The following STK17A variants were observed in gnomAD, a reference collection of about 807,000 sequenced individuals.
The protein encoded by STK17A is serine/threonine-protein kinase 17A.
STK17A carries 26 observed loss-of-function variants against 43.7 expected under a neutral mutation model. The observed-to-expected ratio is 0.60, with a 90% CI of 0.44 to 0.83. The LOEUF (loss-of-function observed/expected upper bound fraction) is 0.83, where lower values mean the gene tolerates loss of function less well. Ranked by LOEUF, STK17A falls within the 40% of genes least tolerant of loss-of-function variation. The pLI is 0.00. For missense variants in STK17A, 476 were observed against 511.6 expected (o/e 0.93, Z 0.67); for synonymous variants, 191 against 182.5 (o/e 1.05, Z -0.38).
intron 3 of STK17A, among the ~76,000 whole-genome samples, chr7:43,611,447 T>C (rs1298509216): frequency 6.6e-6 from 1 of 152,200 alleles, no homozygotes; most frequent in African/African-American, 2.4e-5. Context: ...TGAAAGCAAG[T>C]ATGGACATGT....
chr7:43,596,140 TTTG>T (rs2082513912), intron 2 of STK17A, 27 bp downstream of exon 2: 5 of 1,587,784 alleles, frequency 3.1e-6, no homozygotes, highest in Non-Finnish European at 4.3e-6. Flanking sequence ...TTAGATTAAG[TTTG>T]TTTGGTAGTC....
intron 2 of STK17A, among the ~76,000 whole-genome samples, chr7:43,600,042 T>G (rs1227342240): frequency 6.6e-6 from 1 of 152,140 alleles, no homozygotes; most frequent in Non-Finnish European, 1.5e-5. Flanking sequence ...CCTAGTCCAC[T>G]CGGACTCCCA....
Position 43,626,554 on chromosome 7 carries a change from A to G in STK17A, c.*1712A>G, listed in dbSNP as rs1563176363. The G allele has an allele frequency of 1.3e-5, 2 of 152,222 alleles. No individual in the cohort carries two copies. The highest frequency in any genetic ancestry group is 2.9e-5 in the Non-Finnish European group (2 of 68,046). 9.4% of individuals were successfully genotyped at this position (152,222 alleles called of 1,614,324 possible). A position where few individuals can be genotyped will look rare whatever the true frequency, so the allele number is the denominator to read the frequency against. ...TTGTGCCACAGTGATAGAGTTTTTA[A>G]TGAATATCCATGGCCACAGTTTTGA... On this transcript the variant is annotated 3_prime_UTR_variant, in exon 7 of 7. Coordinates refer to ENST00000319357, the MANE Select transcript of STK17A (RefSeq NM_004760.3).
chr7:43,608,462 A>C, intron 3 of STK17A, 62 bp downstream of exon 3: 1 of 1,538,070 alleles, frequency 6.5e-7, no homozygotes, highest in Non-Finnish European at 8.8e-7. Context: ...TAAAATATTT[A>C]ACAGTGATTT....
chr7:43,612,828 C>G (rs1156781472), intron 3 of STK17A, among the ~76,000 whole-genome samples: 1 of 151,986 alleles, frequency 6.6e-6, no homozygotes, highest in East Asian at 1.9e-4. Flanking sequence ...GAGGGAGTAG[C>G]AGATGCAGAT....
rs1301665134 is a variant in STK17A, at chr7:43,627,310, T to C, written c.*2468T>C. Among the ~76,000 whole-genome samples the C allele has an allele frequency of 2.0e-5, 3 of 152,238 alleles. No homozygotes were observed. Among genetic ancestry groups the C allele is most frequent in the African/African-American group, 7.2e-5 (3 of 41,470 alleles). On this transcript the variant is annotated 3_prime_UTR_variant, in exon 7 of 7. Coordinates refer to ENST00000319357, the MANE Select transcript of STK17A (RefSeq NM_004760.3). ...ATAGAGGAAGGACAGATGCTCATTG[T>C]TGAATCTCTTAAATTTTTCCAGCTA... is the stretch of plus-strand genomic sequence containing the variant.
chr7:43,598,513 A>G (rs1224772899), intron 2 of STK17A, among the ~76,000 whole-genome samples: 2 of 151,764 alleles, frequency 1.3e-5, no homozygotes, highest in Admixed American at 6.6e-5. Flanking sequence ...AGTGAAATAT[A>G]TAAATGTATA....
chr7:43,608,146 A>G, intron 2 of STK17A, 110 bp from the exon 3 acceptor site: 2 of 1,080,600 alleles, frequency 1.9e-6, no homozygotes, highest in Non-Finnish European at 2.6e-6. Context: ...CATTTTTTAA[A>G]AAAGGTATAC....
At chr7:43,601,322 G>T (rs1260342293) in intron 2 of STK17A, among the ~76,000 whole-genome samples, 5 of 152,180 alleles carry the variant, frequency 3.3e-5, no homozygotes, top group Non-Finnish European at 5.9e-5. Flanking sequence ...AAGCACAAAA[G>T]TATTTGTCAC....
chr7:43,602,722 T>C (rs975303216), intron 2 of STK17A, among the ~76,000 whole-genome samples: 5 of 152,260 alleles, frequency 3.3e-5, no homozygotes, highest in African/African-American at 1.2e-4. Context: ...ATTTATGTTT[T>C]ATACATTTAC....
At chr7:43,584,875 C>T (rs889213281) in intron 1 of STK17A, among the ~76,000 whole-genome samples, 5 of 152,210 alleles carry the variant, frequency 3.3e-5, no homozygotes, top group African/African-American at 1.2e-4. Flanking sequence ...ACATTCCAAA[C>T]ATTCTGAAGT....
intron 2 of STK17A, among the ~76,000 whole-genome samples, chr7:43,605,429 T>C (rs2082582107): frequency 6.6e-6 from 1 of 152,250 alleles, no homozygotes; most frequent in Non-Finnish European, 1.5e-5. Flanking sequence ...GAGTGGCTTT[T>C]CTACTCTAGC....
At chr7:43,617,064 T>A (rs79750299) in intron 3 of STK17A, among the ~76,000 whole-genome samples, 2,704 of 152,304 alleles carry the variant, frequency 0.018, 47 homozygotes, top group Non-Finnish European at 0.027. Flanking sequence ...GAATACCATA[T>A]ACAAATTCAC....
intron 2 of STK17A, among the ~76,000 whole-genome samples, chr7:43,605,376 G>C (rs2082581479): frequency 6.6e-6 from 1 of 152,182 alleles, no homozygotes; most frequent in East Asian, 1.9e-4. Flanking sequence ...TTGATATAAA[G>C]GATGGCCCTC....
chr7:43,617,227 G>A (rs1440306094), intron 3 of STK17A, among the ~76,000 whole-genome samples: 2 of 152,172 alleles, frequency 1.3e-5, no homozygotes, highest in Non-Finnish European at 2.9e-5. Context: ...GAAGGAGTTT[G>A]GAGGTTACCT....
At chr7:43,603,494 C>G (rs2152971923) in intron 2 of STK17A, among the ~76,000 whole-genome samples, 1 of 152,244 alleles carries the variant, frequency 6.6e-6, no homozygotes, top group South Asian at 2.1e-4. Context: ...TGCTAAAAGT[C>G]TAGCAAAGGA....
intron 3 of STK17A, among the ~76,000 whole-genome samples, chr7:43,613,360 T>C (rs2083054449): frequency 6.6e-6 from 1 of 152,172 alleles, no homozygotes; most frequent in South Asian, 2.1e-4. Context: ...CTAGAGATGA[T>C]TTAAAGTTTA....
At chr7:43,620,642 C>G (rs1392426430) in intron 4 of STK17A, among the ~76,000 whole-genome samples, 2 of 151,132 alleles carry the variant, frequency 1.3e-5, no homozygotes, top group East Asian at 3.9e-4. Context: ...CCACTGCACT[C>G]CAGCCTGGGC....
chr7:43,603,294 G>C (rs748276273), intron 2 of STK17A, among the ~76,000 whole-genome samples: 15 of 152,090 alleles, frequency 9.9e-5, no homozygotes, highest in Non-Finnish European at 2.2e-4. Flanking sequence ...TGAAGAGGAA[G>C]TCTTAGAGAT....
Sources: allele counts gnomAD v4.1 joint callset (sites outside exome capture counted in the v4.1 genomes callset), GRCh38; gene constraint gnomAD v4.1.1; transcripts MANE v1.5; gene names NCBI Gene and HGNC (gene_info 2026-07-23, HGNC 2026-07-21).